The following PRKN variants were observed in gnomAD, a reference collection of about 807,000 sequenced individuals.
The protein encoded by PRKN is E3 ubiquitin-protein ligase parkin.
PRKN carries 56 observed loss-of-function variants against 59.5 expected under a neutral mutation model. The observed-to-expected ratio is 0.94, with a 90% confidence interval of 0.76 to 1.18. PRKN has a LOEUF of 1.18. PRKN is among the 50% of genes most tolerant of loss of function. The pLI is 0.00. For missense variants in PRKN, 657 were observed against 596.4 expected (o/e 1.10, Z -1.06); for synonymous variants, 250 against 222.1 (o/e 1.13, Z -1.12).
rs941526676 is a variant in PRKN at position 161,586,767 on chromosome 6, T to G, written c.872-17351A>C. Reference sequence around the variant, plus strand: ...GAAATATAACTCCCCAATTTACATCTAAGTTCATCTTAATAGTGCTTTATA... The same window carrying G: ...GAAATATAACTCCCCAATTTACATCGAAGTTCATCTTAATAGTGCTTTATA... On this transcript the variant is annotated intron_variant, in intron 7 of 11. Coordinates refer to ENST00000366898, the MANE Select transcript of PRKN (RefSeq NM_004562.3). 2.6e-5 allele frequency among the ~76,000 whole-genome samples: 4 copies of G among 152,320 alleles called. No individual in the cohort carries two copies. In the East Asian group the frequency reaches 7.7e-4, roughly 29 times the overall value.
At chr6:162,545,757 C>A (rs985331344) in intron 1 of PRKN, among the ~76,000 whole-genome samples, 1 of 152,212 alleles carries the variant, frequency 6.6e-6, no homozygotes, top group Non-Finnish European at 1.5e-5. Context: ...AACTTTTAAA[C>A]ATGTTTGATA....
chr6:162,494,025 T>G (rs1242475718), intron 1 of PRKN, among the ~76,000 whole-genome samples: 1 of 152,206 alleles, frequency 6.6e-6, no homozygotes, highest in Admixed American at 6.5e-5. Flanking sequence ...CCCTCCTTAC[T>G]GTTACTGTCC....
chr6:161,942,538 T>A (rs1212872406), intron 6 of PRKN, among the ~76,000 whole-genome samples: 1 of 151,996 alleles, frequency 6.6e-6, no homozygotes, highest in Non-Finnish European at 1.5e-5. Context: ...CTCAAAAAAA[T>A]AAATAAATAA....
chr6:161,854,571 A>G (rs917610827), intron 6 of PRKN, among the ~76,000 whole-genome samples: 5 of 152,196 alleles, frequency 3.3e-5, no homozygotes, highest in African/African-American at 1.2e-4. Flanking sequence ...TTACCTACAT[A>G]TAACTGCACT....
chr6:162,384,844 GATTT>G (rs1786712917), intron 2 of PRKN, among the ~76,000 whole-genome samples: 1 of 152,048 alleles, frequency 6.6e-6, no homozygotes, highest in Admixed American at 6.6e-5. Flanking sequence ...GAGGAGAAAT[GATTT>G]GTTTAAGGAA....
intron 2 of PRKN, among the ~76,000 whole-genome samples, chr6:162,340,346 C>T (rs1784118753): frequency 6.6e-6 from 1 of 151,988 alleles, no homozygotes; most frequent in Non-Finnish European, 1.5e-5. Context: ...ATTCATTGTT[C>T]TGAAAATTGG....
intron 7 of PRKN, among the ~76,000 whole-genome samples, chr6:161,732,481 T>TGTGTGTGTGTG (rs1554298354): frequency 3.1e-5 from 4 of 130,236 alleles, no homozygotes; most frequent in African/African-American, 1.9e-4. Context: ...GAGGTTTTTT[T>TGTGTGTGTGTG]TTTTTGTGTG....
chr6:162,175,821 C>T (rs2128321209), intron 4 of PRKN, among the ~76,000 whole-genome samples: 1 of 152,292 alleles, frequency 6.6e-6, no homozygotes, highest in South Asian at 2.1e-4. Flanking sequence ...TGCAAATGTC[C>T]TGCAGTCTAA....
rs1296768436 is a variant in PRKN, at chr6:161,458,233, G to A, written c.1084-71356C>T. 6.6e-6 allele frequency among the ~76,000 whole-genome samples: 1 copy of A among 152,174 alleles called. No individual in the cohort carries two copies. The highest frequency in any genetic ancestry group is 1.5e-5 in the Non-Finnish European group (1 of 68,038). On this transcript the variant is annotated intron_variant, in intron 9 of 11. Coordinates refer to ENST00000366898, the MANE Select transcript of PRKN (RefSeq NM_004562.3). The surrounding 1 kb of genome is among the most constrained non-coding windows in gnomAD (Gnocchi z 6.1). ...CTAAAGAAGGCCTGGTGTCTCTGCT[G>A]CCACTTACAGATTTCAGAAACGTGT...
intron 7 of PRKN, among the ~76,000 whole-genome samples, chr6:161,709,533 C>T (rs756091645): frequency 5.0e-4 from 76 of 152,264 alleles, no homozygotes; most frequent in Non-Finnish European, 6.3e-4. Context: ...GAGTACAATT[C>T]TAACCTTTGT....
At position 162,277,864 on chromosome 6, in the gene PRKN, G is replaced by C. The variant is rs1211652510; in HGVS notation, c.172-15099C>G. The stretch of plus-strand genomic sequence containing the variant: ...GTATAGTCACTTTGGAAATCTGGTG[G>C]TTTCTTACAAAACTAAACATACTAT... On this transcript the variant is annotated intron_variant, in intron 2 of 11. Coordinates refer to ENST00000366898, the MANE Select transcript of PRKN (RefSeq NM_004562.3). 1.3e-5 allele frequency among the ~76,000 whole-genome samples: 2 copies of C among 152,142 alleles called. 1 individual carries two copies. The highest frequency in any genetic ancestry group is 1.3e-4 in the Admixed American group (2 of 15,268).
intron 1 of PRKN, among the ~76,000 whole-genome samples, chr6:162,675,590 AG>A (rs1779515110): frequency 6.6e-6 from 1 of 152,188 alleles, no homozygotes; most frequent in African/African-American, 2.4e-5. Context: ...TAAAATAACC[AG>A]TATGCAGGAC....
chr6:162,054,008 A>G, intron 5 of PRKN, 83 bp downstream of exon 5: 1 of 918,792 alleles, frequency 1.1e-6, no homozygotes, highest in Non-Finnish European at 1.8e-6. Context: ...GTCAGTTGAC[A>G]TTTTGTCTCT....
At chr6:162,645,573 T>C (rs879890849) in intron 1 of PRKN, among the ~76,000 whole-genome samples, 11 of 152,192 alleles carry the variant, frequency 7.2e-5, no homozygotes, top group Admixed American at 1.3e-4. Flanking sequence ...GCTGGCATAG[T>C]TGTTTAGCTG....
chr6:162,288,650 G>A (rs763338384), intron 2 of PRKN, among the ~76,000 whole-genome samples: 1 of 151,984 alleles, frequency 6.6e-6, no homozygotes. Flanking sequence ...CCTCACCGAG[G>A]CCCCCACCAA....
Position 162,287,968 on chromosome 6 carries a change from C to T in PRKN, c.172-25203G>A, listed in dbSNP as rs1305820955. Among the ~76,000 whole-genome samples the T allele has an allele frequency of 2.6e-5, 4 of 152,240 alleles. No homozygotes were observed. The Middle Eastern group carries it at 0.01, about 388-fold the overall frequency. ...CCATGCTTGGGGTGGGCTTGGGGCTCCATGACCCACAATTTTCCCACTGCA... is the reference window on the plus strand; with the variant it reads ...CCATGCTTGGGGTGGGCTTGGGGCTTCATGACCCACAATTTTCCCACTGCA... On this transcript the variant is annotated intron_variant, in intron 2 of 11. Coordinates refer to ENST00000366898, the MANE Select transcript of PRKN (RefSeq NM_004562.3).
chr6:162,513,260 C>A (rs1232163600), intron 1 of PRKN, among the ~76,000 whole-genome samples: 1 of 152,162 alleles, frequency 6.6e-6, no homozygotes, highest in East Asian at 1.9e-4. Context: ...AGGCAGATCA[C>A]TTGAGGTGAG....
At chr6:161,899,480 A>G (rs1161686550) in intron 6 of PRKN, among the ~76,000 whole-genome samples, 1 of 152,180 alleles carries the variant, frequency 6.6e-6, no homozygotes, top group African/African-American at 2.4e-5. Flanking sequence ...GCTCAGATAA[A>G]AGATATCCAG....
intron 1 of PRKN, among the ~76,000 whole-genome samples, chr6:162,580,092 C>G (rs995699547): frequency 1.3e-5 from 2 of 152,160 alleles, no homozygotes; most frequent in Non-Finnish European, 2.9e-5. Context: ...TCATATGACA[C>G]AAGACACTGG....
Sources: allele counts gnomAD v4.1 joint callset (sites outside exome capture counted in the v4.1 genomes callset), GRCh38; gene constraint gnomAD v4.1.1; non-coding constraint Gnocchi (gnomAD v3.1); transcripts MANE v1.5; gene names NCBI Gene and HGNC (gene_info 2026-07-23, HGNC 2026-07-21).